Variants in CCSER1 observed in about 807,000 individuals in gnomAD.
The protein encoded by CCSER1 is serine-rich coiled-coil domain-containing protein 1.
CCSER1 carries 41 observed loss-of-function variants against 82.0 expected under a neutral mutation model. That is an observed-to-expected ratio of 0.50 (90% confidence interval 0.39 to 0.65). The LOEUF (loss-of-function observed/expected upper bound fraction) is 0.65, where lower values mean the gene tolerates loss of function less well. CCSER1 is among the 30% of genes least tolerant of loss of function. CCSER1 has a pLI of 0.00. For missense variants in CCSER1, 1,119 were observed against 1,064.2 expected (o/e 1.05, Z -0.72); for synonymous variants, 414 against 383.9 (o/e 1.08, Z -0.92).
At chr4:91,168,080 T>A (rs563313490) in intron 10 of CCSER1, among the ~76,000 whole-genome samples, 10 of 134,148 alleles carry the variant, frequency 7.5e-5, no homozygotes, top group Non-Finnish European at 1.6e-4. Flanking sequence ...TGGGAGGAAG[T>A]GAGGAGCGCC....
At chr4:90,144,478 A>G (rs1019142755) in intron 1 of CCSER1, among the ~76,000 whole-genome samples, 2 of 152,220 alleles carry the variant, frequency 1.3e-5, no homozygotes, top group Non-Finnish European at 2.9e-5. Context: ...TGCCTTGGAT[A>G]TAAATTATTG....
At chr4:90,535,050 A>G (rs1457326989) in intron 5 of CCSER1, among the ~76,000 whole-genome samples, 2 of 152,224 alleles carry the variant, frequency 1.3e-5, no homozygotes, top group Admixed American at 1.3e-4. Context: ...GCTTAGATTC[A>G]TCAGGAATAG....
At chr4:91,439,544 C>T (rs1321811906) in intron 10 of CCSER1, among the ~76,000 whole-genome samples, 1 of 152,022 alleles carries the variant, frequency 6.6e-6, no homozygotes, top group Non-Finnish European at 1.5e-5. Flanking sequence ...ATTGTAAAGA[C>T]CATCGAGACT....
chr4:90,795,253 C>T (rs1203688542), intron 7 of CCSER1, among the ~76,000 whole-genome samples: 1 of 148,696 alleles, frequency 6.7e-6, no homozygotes, highest in African/African-American at 2.5e-5. Flanking sequence ...TGCCACTGCA[C>T]TGCAGCATGG....
chr4:90,724,306 G>A (rs188422101), intron 7 of CCSER1, among the ~76,000 whole-genome samples: 2 of 151,864 alleles, frequency 1.3e-5, no homozygotes, highest in African/African-American at 4.8e-5. Context: ...ATTAATATAA[G>A]TCATAGGGGA....
intron 8 of CCSER1, among the ~76,000 whole-genome samples, chr4:90,899,330 G>T (rs1724247792): frequency 6.6e-6 from 1 of 151,966 alleles, no homozygotes. Context: ...TTAATTCATT[G>T]ATCAGGTCTA....
intron 4 of CCSER1, among the ~76,000 whole-genome samples, chr4:90,434,505 A>C (rs1253061192): frequency 6.6e-6 from 1 of 152,196 alleles, no homozygotes; most frequent in Non-Finnish European, 1.5e-5. Flanking sequence ...AGAACTGAAG[A>C]ACTTCAAAAA....
intron 6 of CCSER1, among the ~76,000 whole-genome samples, chr4:90,645,059 G>A (rs1210773605): frequency 1.3e-5 from 2 of 150,606 alleles, no homozygotes; most frequent in Non-Finnish European, 3.0e-5. Flanking sequence ...TCCAGCCTGG[G>A]CAACAAGAGT....
chr4:90,453,761 A>C (rs575369545), intron 4 of CCSER1, among the ~76,000 whole-genome samples: 13 of 148,808 alleles, frequency 8.7e-5, no homozygotes, highest in Admixed American at 4.6e-4. Flanking sequence ...GGGGTTGAGA[A>C]AACTATTGGG....
intron 3 of CCSER1, among the ~76,000 whole-genome samples, chr4:90,369,936 G>T (rs1215113195): frequency 2.0e-5 from 3 of 151,948 alleles, no homozygotes; most frequent in South Asian, 2.1e-4. Context: ...AAAATTCAAA[G>T]AATATAATAG....
chr4:91,244,627 G>A (rs1220274486), intron 10 of CCSER1, among the ~76,000 whole-genome samples: 2 of 152,170 alleles, frequency 1.3e-5, no homozygotes, highest in Non-Finnish European at 2.9e-5. Flanking sequence ...ATAGGGCTTG[G>A]TACCCAAGTC....
At chr4:90,328,715 C>T (rs561923364) in intron 3 of CCSER1, among the ~76,000 whole-genome samples, 4 of 152,164 alleles carry the variant, frequency 2.6e-5, no homozygotes, top group African/African-American at 9.6e-5. Context: ...TGCAGTGTGG[C>T]CTCTGCTACT....
At chr4:90,501,636 A>G (rs1327433053) in intron 5 of CCSER1, among the ~76,000 whole-genome samples, 1 of 152,196 alleles carries the variant, frequency 6.6e-6, no homozygotes, top group Non-Finnish European at 1.5e-5. Flanking sequence ...TAAGATGCAA[A>G]CATTTTGAAA....
intron 7 of CCSER1, among the ~76,000 whole-genome samples, chr4:90,760,743 A>G (rs2149518511): frequency 6.6e-6 from 1 of 152,204 alleles, no homozygotes; most frequent in Middle Eastern, 3.4e-3. Context: ...TTATGGGACT[A>G]CAGGTAAGTT....
intron 3 of CCSER1, among the ~76,000 whole-genome samples, chr4:90,326,605 A>G (rs1394445244): frequency 1.3e-5 from 2 of 152,086 alleles, no homozygotes; most frequent in African/African-American, 4.8e-5. Flanking sequence ...ATACAAAATT[A>G]TTTTCATACT....
At chr4:91,082,007 C>A (rs917850261) in intron 9 of CCSER1, among the ~76,000 whole-genome samples, 1 of 152,168 alleles carries the variant, frequency 6.6e-6, no homozygotes, top group Non-Finnish European at 1.5e-5. Context: ...TTTATAGATT[C>A]AATGCCATCC....
intron 10 of CCSER1, among the ~76,000 whole-genome samples, chr4:91,445,390 CTTT>C (rs5860235): frequency 2.2e-4 from 31 of 141,906 alleles, no homozygotes; most frequent in Non-Finnish European, 3.8e-4. Context: ...ATAGTAATTC[CTTT>C]TTTTTTTTTT....
chr4:91,085,561 T>A (rs548893555), intron 9 of CCSER1, among the ~76,000 whole-genome samples: 51 of 152,224 alleles, frequency 3.4e-4, no homozygotes, highest in South Asian at 2.7e-3. Flanking sequence ...CTTTTATCAA[T>A]CTGACTTTGT....
At chr4:91,418,324 T>G (rs1466784284) in intron 10 of CCSER1, among the ~76,000 whole-genome samples, 3 of 73,096 alleles carry the variant, frequency 4.1e-5, no homozygotes, top group African/African-American at 1.7e-4. Flanking sequence ...AAAACAAAAT[T>G]GACAAAACTC....
Sources: allele counts gnomAD v4.1 joint callset (sites outside exome capture counted in the v4.1 genomes callset), GRCh38; gene constraint gnomAD v4.1.1; transcripts MANE v1.5; gene names NCBI Gene and HGNC (gene_info 2026-07-23, HGNC 2026-07-21).